The following CCSER1 variants were observed in gnomAD, a reference collection of about 807,000 sequenced individuals.
CCSER1 encodes serine-rich coiled-coil domain-containing protein 1.
CCSER1 carries 41 observed loss-of-function variants against 82.0 expected under a neutral mutation model. The ratio of observed to expected loss-of-function variants is 0.50; its 90% CI spans 0.39 to 0.65. The LOEUF (loss-of-function observed/expected upper bound fraction) is 0.65, where lower values mean the gene tolerates loss of function less well. Ranked by LOEUF, CCSER1 falls within the 30% of genes least tolerant of loss-of-function variation. The pLI, the probability that CCSER1 is intolerant of heterozygous loss-of-function variation, is 0.00. For missense variants in CCSER1, 1,119 were observed against 1,064.2 expected, an observed-to-expected ratio of 1.05 and a Z score of -0.72; for synonymous variants, 414 against 383.9, an observed-to-expected ratio of 1.08 and a Z score of -0.92.
chr4:91,596,452 T>C (rs1486789176), intron 10 of CCSER1, among the ~76,000 whole-genome samples: 1 of 152,062 alleles, frequency 6.6e-6, no homozygotes, highest in African/African-American at 2.4e-5. Flanking sequence ...GCACCCATGA[T>C]ATGTCTAACA....
At chr4:90,694,905 A>T (rs1159915767) in intron 6 of CCSER1, among the ~76,000 whole-genome samples, 1 of 151,744 alleles carries the variant, frequency 6.6e-6, no homozygotes, top group Admixed American at 6.6e-5. Flanking sequence ...AGAAGAAAAG[A>T]CGTTTTGAAA....
chr4:90,239,699 G>T (rs1375841390), intron 1 of CCSER1, among the ~76,000 whole-genome samples: 3 of 151,746 alleles, frequency 2.0e-5, no homozygotes, highest in Non-Finnish European at 2.9e-5. Context: ...GTCTAATCTC[G>T]AACGCCTGGT....
At chr4:90,337,413 A>G (rs767586858) in intron 3 of CCSER1, among the ~76,000 whole-genome samples, 1 of 152,318 alleles carries the variant, frequency 6.6e-6, no homozygotes, top group South Asian at 2.1e-4. Flanking sequence ...AGCAGATAGT[A>G]GTCAAAACAC....
intron 6 of CCSER1, among the ~76,000 whole-genome samples, chr4:90,675,263 CAGTT>C: frequency 6.6e-6 from 1 of 151,948 alleles, no homozygotes; most frequent in Middle Eastern, 3.4e-3. Context: ...CAATTACTTA[CAGTT>C]GCAAGGCTTA....
chr4:91,179,580 C>T (rs1560496930), intron 10 of CCSER1, among the ~76,000 whole-genome samples: 1 of 152,214 alleles, frequency 6.6e-6, no homozygotes, highest in African/African-American at 2.4e-5. Flanking sequence ...ACACTTTCTT[C>T]CACTTGATCG....
intron 8 of CCSER1, among the ~76,000 whole-genome samples, chr4:90,825,560 T>C (rs889372495): frequency 4.6e-5 from 7 of 152,114 alleles, no homozygotes; most frequent in Admixed American, 3.9e-4. Flanking sequence ...TTTTTTTGTG[T>C]GTAACTGGGC....
intron 7 of CCSER1, among the ~76,000 whole-genome samples, chr4:90,730,803 T>G (rs1260581941): frequency 2.0e-5 from 3 of 152,130 alleles, no homozygotes; most frequent in Non-Finnish European, 1.5e-5. Context: ...AAGAGAATAC[T>G]CGGTCTTATC....
intron 8 of CCSER1, among the ~76,000 whole-genome samples, chr4:90,822,166 G>T (rs970471900): frequency 6.6e-6 from 1 of 152,148 alleles, no homozygotes; most frequent in Non-Finnish European, 1.5e-5. Flanking sequence ...GTGAAGAGAA[G>T]AATTTAATTG....
At chr4:90,304,837 T>C (rs532550883) in intron 1 of CCSER1, among the ~76,000 whole-genome samples, 1 of 152,132 alleles carries the variant, frequency 6.6e-6, no homozygotes, top group South Asian at 2.1e-4. Flanking sequence ...TGTTTAAAAA[T>C]GTTTCTCATT....
chr4:91,116,223 C>A (rs2148882553), intron 10 of CCSER1, among the ~76,000 whole-genome samples: 1 of 152,238 alleles, frequency 6.6e-6, no homozygotes, highest in South Asian at 2.1e-4. Flanking sequence ...CACATACACA[C>A]CATGGAATAC....
chr4:91,101,651 G>T (rs911409370), intron 10 of CCSER1, among the ~76,000 whole-genome samples: 1 of 147,268 alleles, frequency 6.8e-6, no homozygotes, highest in African/African-American at 2.5e-5. Context: ...AAAAAGACCA[G>T]GTTGGGGGCC....
chr4:90,436,306 A>T (rs1478398592), intron 4 of CCSER1, among the ~76,000 whole-genome samples: 1 of 152,184 alleles, frequency 6.6e-6, no homozygotes. Flanking sequence ...CTTTTAAGAA[A>T]ATCTAACAAA....
chr4:90,383,736 T>G (rs2153533334), intron 3 of CCSER1, among the ~76,000 whole-genome samples: 1 of 152,098 alleles, frequency 6.6e-6, no homozygotes, highest in East Asian at 1.9e-4. Flanking sequence ...CCTTTCTTTT[T>G]TTTTTCTTTT....
chr4:91,084,653 C>G (rs1723173937), intron 9 of CCSER1, among the ~76,000 whole-genome samples: 1 of 152,008 alleles, frequency 6.6e-6, no homozygotes, highest in Non-Finnish European at 1.5e-5. Flanking sequence ...TATTCTTTGT[C>G]ACATATAATT....
At position 91,296,485 on chromosome 4, in the gene CCSER1, A is replaced by T. The variant is rs1028566111; in HGVS notation, c.2217+210491A>T. Among the ~76,000 whole-genome samples, 556 of 140,974 alleles carry T rather than the reference A, an allele frequency of 3.9e-3. 32 individuals are homozygous for T. Among genetic ancestry groups the T allele is most frequent in the East Asian group, 0.012 (59 of 4,972 alleles). The allele number at this position is 140,974 out of a possible 152,430, so 92.5% of individuals were successfully genotyped here. A position where few individuals can be genotyped will look rare whatever the true frequency, so the allele number is the denominator to read the frequency against. On this transcript the variant is annotated intron_variant, in intron 10 of 10. Coordinates refer to ENST00000509176, the MANE Select transcript of CCSER1 (RefSeq NM_001145065.2). ...TATATATGTATATATATATATATAT[A>T]TTTTAATTAAATATACAGTTATCTG...
intron 1 of CCSER1, among the ~76,000 whole-genome samples, chr4:90,215,886 G>A (rs1740905723): frequency 6.6e-6 from 1 of 152,264 alleles, no homozygotes; most frequent in Admixed American, 6.5e-5. Flanking sequence ...GCAGGGGCGA[G>A]GTGGGGGCCT....
At chr4:90,371,073 C>G (rs539442696) in intron 3 of CCSER1, among the ~76,000 whole-genome samples, 393 of 152,056 alleles carry the variant, frequency 2.6e-3, no homozygotes, top group African/African-American at 9.0e-3. Context: ...CAGACCTTGC[C>G]TATAAATAAC....
At chr4:90,182,270 A>G (rs1733862491) in intron 1 of CCSER1, among the ~76,000 whole-genome samples, 1 of 152,106 alleles carries the variant, frequency 6.6e-6, no homozygotes, top group Admixed American at 6.6e-5. Context: ...GAAACACTAG[A>G]ATACAGTTGT....
intron 10 of CCSER1, among the ~76,000 whole-genome samples, chr4:91,483,949 C>G (rs953397257): frequency 1.3e-5 from 2 of 151,518 alleles, no homozygotes; most frequent in African/African-American, 4.8e-5. Flanking sequence ...ATAGTCTTGC[C>G]CAAGTAGGCA....
Sources: allele counts gnomAD v4.1 joint callset (sites outside exome capture counted in the v4.1 genomes callset), GRCh38; gene constraint gnomAD v4.1.1; transcripts MANE v1.5; gene names NCBI Gene and HGNC (gene_info 2026-07-23, HGNC 2026-07-21).